Variants in HPSE2 observed in about 807,000 individuals in gnomAD.
HPSE2 encodes heparanase 2 (inactive).
Under a neutral mutation model 60.5 loss-of-function variants are expected in HPSE2, and 38 were observed. The ratio of observed to expected loss-of-function variants is 0.63; its 90% CI spans 0.48 to 0.82. The LOEUF is 0.82. HPSE2 is among the 40% of genes least tolerant of loss of function. The pLI is 0.00. For missense variants in HPSE2, 713 were observed against 740.4 expected, an observed-to-expected ratio of 0.96 and a Z score of 0.43; for synonymous variants, 295 against 293.2, an observed-to-expected ratio of 1.01 and a Z score of -0.06.
intron 3 of HPSE2, among the ~76,000 whole-genome samples, chr10:99,024,938 G>GA (rs1309744508): frequency 6.6e-6 from 1 of 152,076 alleles, no homozygotes; most frequent in African/African-American, 2.4e-5. Context: ...CAATCAGAAA[G>GA]AAAAGGACAT....
intron 3 of HPSE2, among the ~76,000 whole-genome samples, chr10:99,143,347 T>TA (rs964295051): frequency 7.7e-4 from 114 of 148,130 alleles, no homozygotes; most frequent in African/African-American, 1.5e-3. Context: ...AAGAAGTCTG[T>TA]AAAAAAAAAA....
At chr10:98,976,044 C>T (rs1180107166) in intron 3 of HPSE2, among the ~76,000 whole-genome samples, 1 of 152,066 alleles carries the variant, frequency 6.6e-6, no homozygotes, top group African/African-American at 2.4e-5. Context: ...CTTCACTTAG[C>T]CAACCTTTTT....
chr10:98,580,836 A>ATATATATATATATATATATG, intron 9 of HPSE2, among the ~76,000 whole-genome samples: 1 of 119,528 alleles, frequency 8.4e-6, no homozygotes, highest in African/African-American at 3.6e-5. Flanking sequence ...ATATATATAT[A>ATATATATATATATATATATG]TGTGTGTGTG....
intron 3 of HPSE2, among the ~76,000 whole-genome samples, chr10:98,958,976 T>A (rs1955579450): frequency 6.6e-6 from 1 of 152,068 alleles, no homozygotes. Flanking sequence ...AATTTCTCCA[T>A]CTGAAGTGGG....
intron 3 of HPSE2, among the ~76,000 whole-genome samples, chr10:98,918,307 G>C (rs1175967832): frequency 6.6e-6 from 1 of 152,050 alleles, no homozygotes; most frequent in African/African-American, 2.4e-5. Flanking sequence ...AATACCATTT[G>C]ACCCAGCCAT....
At chr10:98,568,297 A>C (rs1944402652) in intron 9 of HPSE2, among the ~76,000 whole-genome samples, 1 of 152,218 alleles carries the variant, frequency 6.6e-6, no homozygotes. Context: ...AAGTTACTTT[A>C]ACTTCTATAT....
intron 9 of HPSE2, among the ~76,000 whole-genome samples, chr10:98,492,717 T>C (rs1456887780): frequency 1.3e-5 from 2 of 152,200 alleles, no homozygotes; most frequent in Non-Finnish European, 2.9e-5. Flanking sequence ...TGAGGATACC[T>C]GGGTAAAACT....
chr10:98,886,434 A>G (rs955520766), intron 3 of HPSE2, among the ~76,000 whole-genome samples: 3 of 152,164 alleles, frequency 2.0e-5, no homozygotes, highest in African/African-American at 7.2e-5. Flanking sequence ...ATTATGTATA[A>G]TGCCTTAACA....
intron 9 of HPSE2, among the ~76,000 whole-genome samples, chr10:98,612,066 A>G (rs1470117271): frequency 6.6e-6 from 1 of 152,212 alleles, no homozygotes; most frequent in African/African-American, 2.4e-5. Flanking sequence ...AGGTCCAAAG[A>G]GGGTTGATAT....
At chr10:99,044,884 A>G (rs1957820114) in intron 3 of HPSE2, among the ~76,000 whole-genome samples, 1 of 152,206 alleles carries the variant, frequency 6.6e-6, no homozygotes. Flanking sequence ...TTCTTGGCCC[A>G]CAAAAAGACT....
intron 3 of HPSE2, among the ~76,000 whole-genome samples, chr10:98,809,882 C>A (rs190629697): frequency 1.3e-5 from 2 of 152,174 alleles, no homozygotes; most frequent in East Asian, 3.9e-4. Flanking sequence ...TCTGGGACTG[C>A]CTTCTGTTAC....
chr10:98,660,701 A>T (rs151236025), intron 6 of HPSE2, among the ~76,000 whole-genome samples: 52 of 152,272 alleles, frequency 3.4e-4, no homozygotes, highest in African/African-American at 1.1e-3. Context: ...GATGACCTTC[A>T]TCTTTCCTTT....
rs573401564 is a variant in HPSE2, at chr10:98,599,012, G to T, written c.1320+15892C>A. Among the ~76,000 whole-genome samples the T allele has an allele frequency of 2.0e-5, 3 of 152,162 alleles. No individual in the cohort carries two copies. The South Asian group carries it at 6.2e-4, about 32-fold the overall frequency. ...GCCATGGGGGCCATCATGGAACCTG[G>T]GTCCACAGAGGTGGTCCTGAAGCCT... On this transcript the variant is annotated intron_variant, in intron 9 of 11. Transcript: ENST00000370552.
chr10:98,855,221 A>C (rs1952282036), intron 3 of HPSE2, among the ~76,000 whole-genome samples: 1 of 152,202 alleles, frequency 6.6e-6, no homozygotes, highest in South Asian at 2.1e-4. Context: ...GACTAGTATG[A>C]GTGTATAGAA....
intron 2 of HPSE2, among the ~76,000 whole-genome samples, chr10:99,184,566 A>C (rs1847904120): frequency 7.0e-6 from 1 of 143,496 alleles, no homozygotes; most frequent in African/African-American, 2.6e-5. Flanking sequence ...AAAAGCTAAG[A>C]GGAAGGCCAT....
intron 3 of HPSE2, among the ~76,000 whole-genome samples, chr10:98,771,310 G>C (rs1950235731): frequency 6.6e-6 from 1 of 152,138 alleles, no homozygotes; most frequent in African/African-American, 2.4e-5. Flanking sequence ...GAAAAACCCA[G>C]TACCCTGAAA....
At chr10:99,141,409 G>C (rs1284009179) in intron 3 of HPSE2, among the ~76,000 whole-genome samples, 2 of 152,144 alleles carry the variant, frequency 1.3e-5, no homozygotes, top group Non-Finnish European at 2.9e-5. Context: ...CTCTAGGCTA[G>C]GTGAGGCTAA....
At chr10:98,777,229 C>T (rs1454821079) in intron 3 of HPSE2, among the ~76,000 whole-genome samples, 6 of 152,102 alleles carry the variant, frequency 3.9e-5, no homozygotes, top group Non-Finnish European at 8.8e-5. Context: ...ACTCTCATCC[C>T]TATCACCTTG....
At chr10:99,145,717 A>T (rs1846030104) in intron 2 of HPSE2, among the ~76,000 whole-genome samples, 3 of 152,168 alleles carry the variant, frequency 2.0e-5, no homozygotes, top group Admixed American at 2.0e-4. Flanking sequence ...AAAGAATAAA[A>T]CTAATGCCCA....
Sources: gnomAD v4.1 joint callset for allele counts (sites outside exome capture counted in the v4.1 genomes callset) on GRCh38, gnomAD v4.1.1 for gene constraint, MANE v1.5 for transcripts, NCBI Gene and HGNC (gene_info 2026-07-23, HGNC 2026-07-21) for gene names.